SAMD5: variants seen among roughly 807,000 people sequenced by gnomAD.
The protein encoded by SAMD5 is sterile alpha motif domain-containing protein 5.
SAMD5 carries 13 observed loss-of-function variants against 11.3 expected under a neutral mutation model. That is an observed-to-expected ratio of 1.15 (90% CI 0.75 to 1.83). The LOEUF is 1.83. Ranked by LOEUF, SAMD5 falls within the 40% of genes most tolerant of loss-of-function variation. The pLI is 0.00. For missense variants in SAMD5, 255 were observed against 239.1 expected (o/e 1.07, Z -0.44); for synonymous variants, 129 against 111.3 (o/e 1.16, Z -1.00).
chr6:147,838,341 T>G, the SAMD5 span, among the ~76,000 whole-genome samples: 4 of 152,180 alleles, frequency 2.6e-5, no homozygotes, highest in Admixed American at 2.6e-4. Flanking sequence ...GGTTAAGAAC[T>G]AAGTTCATGA....
At chr6:147,579,700 A>G (rs1208126360) in intron 1 of SAMD5, among the ~76,000 whole-genome samples, 2 of 151,998 alleles carry the variant, frequency 1.3e-5, no homozygotes, top group Non-Finnish European at 2.9e-5. Context: ...CAGGTGATCC[A>G]CCTGCCTCGG....
At position 147,568,181 on chromosome 6, in the gene SAMD5, G is replaced by A; in HGVS notation, c.*3725G>A. 1 of 985,294 alleles carries A rather than the reference G, an allele frequency of 1.0e-6. No homozygotes were observed. Among genetic ancestry groups the A allele is most frequent in the Non-Finnish European group, 1.2e-6 (1 of 829,906 alleles). The allele number at this position is 985,294 out of a possible 1,614,324, so 61.0% of individuals were successfully genotyped here. ...CATCTTCTGGGAAGAATCCAACCAAGATACAAAGCAGATGATGGTGGATCG... is the reference window on the plus strand; with the variant it reads ...CATCTTCTGGGAAGAATCCAACCAAAATACAAAGCAGATGATGGTGGATCG... On this transcript the variant is annotated 3_prime_UTR_variant, in exon 2 of 2. Transcript: ENST00000367474.
chr6:147,616,170 T>TG (rs1562334252), intron 1 of SAMD5, among the ~76,000 whole-genome samples: 7 of 118,812 alleles, frequency 5.9e-5, no homozygotes, highest in Non-Finnish European at 1.2e-4. Flanking sequence ...ATATTTCATA[T>TG]ATATTTATTC....
At chr6:147,875,123 A>G in the SAMD5 span, among the ~76,000 whole-genome samples, 1 of 152,328 alleles carries the variant, frequency 6.6e-6, no homozygotes, top group Non-Finnish European at 1.5e-5. Context: ...TCACTTTAAA[A>G]TTCTCTCATG....
chr6:147,562,342 C>T (rs960065532), intron 1 of SAMD5, among the ~76,000 whole-genome samples: 4 of 152,240 alleles, frequency 2.6e-5, no homozygotes, highest in Non-Finnish European at 4.4e-5. Flanking sequence ...GAAAAGCGGA[C>T]TCCCTCTGTG....
the SAMD5 span, among the ~76,000 whole-genome samples, chr6:147,919,839 T>C: frequency 2.6e-5 from 4 of 152,212 alleles, no homozygotes; most frequent in Admixed American, 2.0e-4. Flanking sequence ...CTGTCCTCCT[T>C]TGAGGCCAGG....
the SAMD5 span, among the ~76,000 whole-genome samples, chr6:147,877,466 A>G: frequency 6.6e-6 from 1 of 152,204 alleles, no homozygotes. Flanking sequence ...ATAGGAAGAC[A>G]GAAATACAAT....
chr6:147,917,494 C>G, the SAMD5 span, among the ~76,000 whole-genome samples: 3 of 152,080 alleles, frequency 2.0e-5, no homozygotes, highest in East Asian at 5.8e-4. Context: ...AAATTTTCTC[C>G]CACTTTGTAG....
intron 1 of SAMD5, among the ~76,000 whole-genome samples, chr6:147,657,678 G>A (rs1237763748): frequency 6.6e-6 from 1 of 152,154 alleles, no homozygotes; most frequent in Non-Finnish European, 1.5e-5. Context: ...GGCAGATTCG[G>A]TGTCCGGTGA....
At chr6:147,641,358 G>A (rs554908308) in intron 1 of SAMD5, among the ~76,000 whole-genome samples, 2 of 152,084 alleles carry the variant, frequency 1.3e-5, no homozygotes, top group Non-Finnish European at 2.9e-5. Context: ...CATTGGCTAC[G>A]GTGAAGTCAA....
chr6:147,630,188 A>G (rs947712530), intron 1 of SAMD5, among the ~76,000 whole-genome samples: 2 of 152,062 alleles, frequency 1.3e-5, no homozygotes, highest in African/African-American at 4.8e-5. Context: ...ACCTTAGGTG[A>G]TCTGCCCGCC....
At chr6:147,941,483 G>T in the SAMD5 span, among the ~76,000 whole-genome samples, 4 of 152,152 alleles carry the variant, frequency 2.6e-5, no homozygotes, top group African/African-American at 9.6e-5. Context: ...CATCATGGAG[G>T]CTTTCAACTG....
intron 1 of SAMD5, among the ~76,000 whole-genome samples, chr6:147,693,862 G>A (rs976248159): frequency 1.3e-5 from 2 of 152,056 alleles, no homozygotes; most frequent in Admixed American, 6.5e-5. Context: ...CCAGCTACTC[G>A]GGAGGCTGAG....
At chr6:147,765,083 A>G in the SAMD5 span, among the ~76,000 whole-genome samples, 3 of 152,226 alleles carry the variant, frequency 2.0e-5, no homozygotes, top group African/African-American at 7.2e-5. Context: ...TTTTGCCTGC[A>G]TATTTTACGC....
At chr6:147,817,105 C>T in the SAMD5 span, among the ~76,000 whole-genome samples, 3 of 152,172 alleles carry the variant, frequency 2.0e-5, no homozygotes, top group African/African-American at 7.2e-5. Flanking sequence ...CTATTCCTGC[C>T]AGGCTTCCCT....
At chr6:147,689,046 G>T (rs1446287149) in intron 1 of SAMD5, among the ~76,000 whole-genome samples, 4 of 149,370 alleles carry the variant, frequency 2.7e-5, no homozygotes, top group Non-Finnish European at 4.5e-5. Flanking sequence ...CTTTGAAGTA[G>T]GCTCTTTTCA....
chr6:147,713,642 G>T (rs1791428567), intron 1 of SAMD5, among the ~76,000 whole-genome samples: 6 of 152,254 alleles, frequency 3.9e-5, no homozygotes, highest in Middle Eastern at 6.8e-3. Context: ...AGAGTGTTTG[G>T]GGGAAACTAG....
rs9399611 is a variant in SAMD5, at chr6:147,627,254, A to C, written c.163-110063A>C. Among the ~76,000 whole-genome samples, 1,211 of 152,276 alleles carry C rather than the reference A, an allele frequency of 8.0e-3. 53 individuals are homozygous for C. The highest frequency in any genetic ancestry group is 0.064 in the Admixed American group (977 of 15,306). On this transcript the variant is annotated intron_variant, in intron 1 of 1. Coordinates refer to the SAMD5 transcript ENST00000566741. Reference sequence around the variant, plus strand: ...CCTGGTAAACTGATTACAAATATTTAAGAGAGCACCTCCTGACCAACTGAA... The same window carrying C: ...CCTGGTAAACTGATTACAAATATTTCAGAGAGCACCTCCTGACCAACTGAA...
the SAMD5 span, among the ~76,000 whole-genome samples, chr6:147,928,978 GT>G: frequency 1.0e-4 from 15 of 147,902 alleles, no homozygotes; most frequent in South Asian, 2.1e-4. Context: ...GGTTTTGAGT[GT>G]TTTTTTTTTA....
Sources: allele counts gnomAD v4.1 joint callset (sites outside exome capture counted in the v4.1 genomes callset), GRCh38; gene constraint gnomAD v4.1.1; transcripts MANE v1.5; gene names NCBI Gene and HGNC (gene_info 2026-07-23, HGNC 2026-07-21).